Variants in PDZK1 observed in about 807,000 individuals in gnomAD.
PDZK1 encodes the protein PDZ domain containing 1.
In PDZK1, 23 loss-of-function variants were observed where a neutral mutation model predicts 38.1. The observed-to-expected ratio is 0.60, with a 90% confidence interval of 0.43 to 0.85. The LOEUF (loss-of-function observed/expected upper bound fraction) is 0.85, where lower values mean the gene tolerates loss of function less well. Ranked by LOEUF, PDZK1 falls within the 40% of genes least tolerant of loss-of-function variation. The probability of loss-of-function intolerance (pLI) is 0.00; values close to 1 mark genes in which losing one functional copy is unlikely to be tolerated. For missense variants in PDZK1, 297 were observed against 504.3 expected (o/e 0.59, Z 3.94); for synonymous variants, 98 against 186.2 (o/e 0.53, Z 3.86).
intron 1 of PDZK1, among the ~76,000 whole-genome samples, chr1:145,706,922 TC>T (rs1408038682): frequency 6.6e-6 from 1 of 151,898 alleles, no homozygotes; most frequent in Non-Finnish European, 1.5e-5. Flanking sequence ...AGAAGAGTCT[TC>T]TCTGCTACCC....
chr1:145,686,895 A>G (rs1329653082), intron 2 of PDZK1, among the ~76,000 whole-genome samples, 169 bp from the exon 3 acceptor site: 3 of 152,062 alleles, frequency 2.0e-5, no homozygotes, highest in African/African-American at 7.3e-5. Flanking sequence ...CCCTCCCGAG[A>G]TCCAGGTGCA....
rs782661257 is a variant in PDZK1, at chr1:145,686,717, G to C, written c.220C>G (p.Leu74Val). Residue 74 changes from leucine (L) to valine (V), a missense_variant, in exon 3 of 9, where the codon CTG becomes GTG. Around this residue, in one of 5 missense-constraint regions of PDZK1, gnomAD observed 159 missense variants for 200.0 expected, o/e 0.79. Coordinates refer to ENST00000417171, the MANE Select transcript of PDZK1 (RefSeq NM_001201325.2). ...ACTGAATTCCCACTCTTTCTGACCA[G>C]ATCCACAACCTAGGAGGGAAGAAGA... ...DKEEHMQVVD[L>V]VRKSGNSVTL... 5 of 1,511,450 alleles carry C rather than the reference G, an allele frequency of 3.3e-6. No homozygotes were observed. The highest frequency in any genetic ancestry group is 4.6e-6 in the Non-Finnish European group (5 of 1,098,030). The allele number at this position is 1,511,450 out of a possible 1,614,324, so 93.6% of individuals were successfully genotyped here. A position where few individuals can be genotyped will look rare whatever the true frequency, so the allele number is the denominator to read the frequency against.
chr1:145,672,233 T>C (rs1553698064), intron 8 of PDZK1, among the ~76,000 whole-genome samples: 3 of 152,178 alleles, frequency 2.0e-5, no homozygotes, highest in Admixed American at 6.5e-5. Flanking sequence ...TTAAACAATA[T>C]TGTCTTTAAC....
intron 1 of PDZK1, among the ~76,000 whole-genome samples, chr1:145,699,279 G>A (rs587683586): frequency 3.1e-4 from 47 of 152,026 alleles, no homozygotes; most frequent in African/African-American, 9.2e-4. Flanking sequence ...TTAGCTGGGC[G>A]TGGTTGTGCG....
intron 1 of PDZK1, among the ~76,000 whole-genome samples, chr1:145,690,788 C>T (rs1351347146): frequency 6.6e-6 from 1 of 152,152 alleles, no homozygotes; most frequent in Non-Finnish European, 1.5e-5. Flanking sequence ...GGGGAAGAGG[C>T]AAAGGTTTTC....
chr1:145,681,082 A>G lies in PDZK1; in HGVS notation c.623T>C (p.Met208Thr). 2 of 561,468 alleles carry G rather than the reference A, an allele frequency of 3.6e-6. No homozygotes were observed. The highest frequency in any genetic ancestry group is 6.2e-6 in the Non-Finnish European group (2 of 322,048). 34.8% of individuals were successfully genotyped at this position (561,468 alleles called of 1,614,324 possible). ...AGTTTCTTTGTCCACCAGCAGGAAC[A>G]TGACACGGCTTCCTGACTTCTTCAC... Reference protein sequence around the residue: ...EKVKKSGSRVMFLLVDKETDK... With the variant: ...EKVKKSGSRVTFLLVDKETDK... Residue 208 changes from methionine to threonine, a missense_variant, in exon 5 of 9, where the codon ATG becomes ACG. Physicochemically the swap from Met to Thr is moderately conservative, Grantham distance 81. Transcript: ENST00000417171.
chr1:145,688,907 C>T (rs587755717), intron 1 of PDZK1, among the ~76,000 whole-genome samples: 6 of 151,608 alleles, frequency 4.0e-5, no homozygotes, highest in Admixed American at 2.0e-4. Context: ...TGCAGTGAGC[C>T]GAGATCACAC....
At chr1:145,705,555 G>A (rs782362744) in intron 1 of PDZK1, among the ~76,000 whole-genome samples, 9 of 152,056 alleles carry the variant, frequency 5.9e-5, no homozygotes, top group Non-Finnish European at 1.3e-4. Context: ...CTTATACTTG[G>A]CCAACTGAAA....
intron 7 of PDZK1, among the ~76,000 whole-genome samples, chr1:145,673,367 C>G (rs1332991249): frequency 6.6e-6 from 1 of 151,538 alleles, no homozygotes; most frequent in Non-Finnish European, 1.5e-5. Context: ...TGCACAGAAG[C>G]AAACAAATAT....
chr1:145,697,204 G>T (rs1553704267), intron 1 of PDZK1, among the ~76,000 whole-genome samples: 1 of 152,074 alleles, frequency 6.6e-6, no homozygotes, highest in Non-Finnish European at 1.5e-5. Flanking sequence ...GCACGTGCCT[G>T]TAAGCCCAGG....
intron 6 of PDZK1, among the ~76,000 whole-genome samples, chr1:145,675,880 T>C (rs1390104465): frequency 2.0e-5 from 3 of 151,748 alleles, no homozygotes; most frequent in Non-Finnish European, 4.4e-5. Flanking sequence ...TAGCCAGGTG[T>C]GGTAGCACAC....
At chr1:145,690,184 G>GCAC (rs1655122757) in intron 1 of PDZK1, among the ~76,000 whole-genome samples, 1 of 152,098 alleles carries the variant, frequency 6.6e-6, no homozygotes, top group South Asian at 2.1e-4. Flanking sequence ...TCACATCCAG[G>GCAC]CACCTGTTTG....
At chr1:145,697,955 C>T (rs1655734055) in intron 1 of PDZK1, among the ~76,000 whole-genome samples, 1 of 151,558 alleles carries the variant, frequency 6.6e-6, no homozygotes, top group Non-Finnish European at 1.5e-5. Context: ...AAACGATCAG[C>T]ATGTTTCTGT....
Position 145,671,052 on chromosome 1 carries a change from T to G in PDZK1, c.*384A>C, listed in dbSNP as rs1416626199. The G allele has an allele frequency of 5.8e-6, 1 of 173,802 alleles. No homozygotes were observed. The highest frequency in any genetic ancestry group is 5.9e-5 in the Admixed American group (1 of 16,942). The allele number at this position is 173,802 out of a possible 1,614,324, so 10.8% of individuals were successfully genotyped here. A position where few individuals can be genotyped will look rare whatever the true frequency, so the allele number is the denominator to read the frequency against. ...TACAAAAGCACAATTTTAATAGGCT[T>G]ATCTGCTAAGATGCTTTTATAAGCA... is the stretch of plus-strand genomic sequence containing the variant. On this transcript the variant is annotated 3_prime_UTR_variant, in exon 9 of 9. Transcript: ENST00000417171.
chr1:145,676,812 A>G (rs1387129836), intron 6 of PDZK1, among the ~76,000 whole-genome samples: 1 of 152,004 alleles, frequency 6.6e-6, no homozygotes, highest in Non-Finnish European at 1.5e-5. Flanking sequence ...GCCTTACTCA[A>G]GCTAAATACT....
At chr1:145,706,772 T>G (rs939575813) in intron 1 of PDZK1, among the ~76,000 whole-genome samples, 18 of 152,152 alleles carry the variant, frequency 1.2e-4, no homozygotes, top group African/African-American at 3.6e-4. Context: ...GGAATGTATG[T>G]TTTAAAATTC....
intron 6 of PDZK1, among the ~76,000 whole-genome samples, chr1:145,677,910 TAAAAAAAAAAAAAAAAA>T (rs71077285): frequency 7.3e-5 from 5 of 68,588 alleles, no homozygotes; most frequent in South Asian, 6.4e-4. Flanking sequence ...GTGTTAAAAG[TAAAAAAAAAAAAAAAAA>T]AAAAAAAAAA....
chr1:145,679,736 G>A (rs1191123076), intron 5 of PDZK1, among the ~76,000 whole-genome samples: 4 of 152,130 alleles, frequency 2.6e-5, no homozygotes, highest in East Asian at 1.9e-4. Context: ...ATTGAGATGT[G>A]CAAAGCCCCC....
chr1:145,684,401 G>C (rs1304538706), intron 3 of PDZK1, among the ~76,000 whole-genome samples: 1 of 151,488 alleles, frequency 6.6e-6, no homozygotes, highest in African/African-American at 2.4e-5. Flanking sequence ...GTAGAGACAG[G>C]GTTTCACCGT....
Sources: allele counts gnomAD v4.1 joint callset (sites outside exome capture counted in the v4.1 genomes callset), GRCh38; gene constraint gnomAD v4.1.1; regional missense constraint gnomAD v4.1.1; transcripts MANE v1.5; gene names NCBI Gene and HGNC (gene_info 2026-07-23, HGNC 2026-07-21).